ZNF469: variants seen among roughly 807,000 people sequenced by gnomAD.
The protein encoded by ZNF469 is zinc finger protein 469.
Under a neutral mutation model 1.0 loss-of-function variants are expected in ZNF469, and 1 was observed. That is an observed-to-expected ratio of 1.00 (90% CI 0.35 to 4.73). ZNF469 has a LOEUF of 4.73. Among genes scored for constraint, ZNF469 ranks in the 30% most tolerant of loss-of-function variants. ZNF469 has a pLI of 0.16. For synonymous variants in ZNF469, 2,703 were observed against 2,363.4 expected, an observed-to-expected ratio of 1.14 and a Z score of -4.17; for missense variants, 6,100 against 5,356.3, an observed-to-expected ratio of 1.14 and a Z score of -4.33.
intron 1 of ZNF469, among the ~76,000 whole-genome samples, chr16:88,385,363 G>A (rs911632362): frequency 9.2e-5 from 14 of 151,986 alleles, no homozygotes; most frequent in African/African-American, 3.1e-4. Flanking sequence ...GTTACCAGCC[G>A]GGGATGGTGG....
At chr16:88,381,187 C>CACAG (rs1425010602), upstream of ZNF469, among the ~76,000 whole-genome samples, 92 of 130,000 alleles carry the variant, frequency 7.1e-4, 2 homozygotes, top group South Asian at 0.011. Flanking sequence ...GACATGCACT[C>CACAG]ACACACATGC....
At chr16:88,173,181 C>A in the ZNF469 span, among the ~76,000 whole-genome samples, 399 of 152,178 alleles carry the variant, frequency 2.6e-3, 2 homozygotes, top group African/African-American at 9.2e-3. Flanking sequence ...AAACAAATTT[C>A]TGAAAGCCAG....
the ZNF469 span, among the ~76,000 whole-genome samples, chr16:88,264,903 G>C: frequency 6.6e-6 from 1 of 152,128 alleles, no homozygotes; most frequent in African/African-American, 2.4e-5. Flanking sequence ...GAGGGTGACC[G>C]TGGCCTCTCC....
the ZNF469 span, among the ~76,000 whole-genome samples, chr16:88,353,947 CT>C: frequency 6.6e-6 from 1 of 152,232 alleles, no homozygotes; most frequent in African/African-American, 2.4e-5. Flanking sequence ...GTCTCAGCCC[CT>C]CCTCACATCC....
the ZNF469 span, among the ~76,000 whole-genome samples, chr16:88,366,294 C>T: frequency 6.6e-6 from 1 of 151,876 alleles, no homozygotes; most frequent in African/African-American, 2.4e-5. Context: ...CCACCACCAC[C>T]ATCATCACCA....
the ZNF469 span, among the ~76,000 whole-genome samples, chr16:88,122,129 A>G: frequency 4.0e-3 from 553 of 137,798 alleles, 5 homozygotes; most frequent in African/African-American, 0.014. Flanking sequence ...CTGTGGCCAC[A>G]GTGGCCACTC....
intron 1 of ZNF469, among the ~76,000 whole-genome samples, chr16:88,417,413 C>A (rs187078292): frequency 4.9e-4 from 74 of 152,288 alleles, no homozygotes; most frequent in Non-Finnish European, 7.4e-5. Flanking sequence ...CTGTGGGCAC[C>A]GTTGCCCATT....
the ZNF469 span, among the ~76,000 whole-genome samples, chr16:88,224,896 T>C: frequency 3.9e-5 from 6 of 152,338 alleles, no homozygotes; most frequent in East Asian, 1.2e-3. Context: ...CAGGATCTGC[T>C]GTGCTCTGGG....
In ZNF469 at chr16:88,434,370, C is replaced by A. The variant is rs1237865076; in HGVS notation, c.6900C>A (p.Gly2300=). The change falls in exon 3 of 3, where the codon GGC becomes GGA. Residue 2300 remains glycine (G), a synonymous_variant. Transcript: ENST00000565624. ...CCACCGGAGATGAGGCACAGGCAGG[C>A]AGGGGACTCCCAGGGCCAGACCCCC... is the stretch of plus-strand genomic sequence containing the variant. ...STPTGDEAQA[G]RGLPGPDPQS... 3 of 1,550,022 alleles carry A rather than the reference C, an allele frequency of 1.9e-6. No individual in the cohort carries two copies. Among genetic ancestry groups the A allele is most frequent in the Non-Finnish European group, 2.6e-6 (3 of 1,146,940 alleles).
chr16:88,324,141 C>T, the ZNF469 span, among the ~76,000 whole-genome samples: 13 of 152,336 alleles, frequency 8.5e-5, no homozygotes, highest in South Asian at 4.1e-4. Flanking sequence ...CGCCTCCCCA[C>T]GGGGCCTGTT....
At chr16:88,326,399 C>T in the ZNF469 span, among the ~76,000 whole-genome samples, 2 of 152,186 alleles carry the variant, frequency 1.3e-5, no homozygotes, top group African/African-American at 4.8e-5. Flanking sequence ...TCCATTAAAC[C>T]TCTTTCTTTT....
At chr16:88,222,493 C>T in the ZNF469 span, among the ~76,000 whole-genome samples, 11 of 152,312 alleles carry the variant, frequency 7.2e-5, no homozygotes, top group East Asian at 2.1e-3. Flanking sequence ...TGCGGTGGCT[C>T]ACGCCTGTAA....
the ZNF469 span, among the ~76,000 whole-genome samples, chr16:88,269,264 T>C: frequency 7.9e-5 from 12 of 152,000 alleles, no homozygotes; most frequent in African/African-American, 2.7e-4. Context: ...CCCTGCAAAA[T>C]AGGGATAAAA....
chr16:88,112,457 T>G, the ZNF469 span, among the ~76,000 whole-genome samples: 1 of 152,084 alleles, frequency 6.6e-6, no homozygotes, highest in South Asian at 2.1e-4. Flanking sequence ...GATTGTCTGT[T>G]TTTTGGATAA....
At chr16:88,371,547 G>C in the ZNF469 span, among the ~76,000 whole-genome samples, 1 of 152,184 alleles carries the variant, frequency 6.6e-6, no homozygotes. Flanking sequence ...GTCATGCTTT[G>C]TAGAGGCAGA....
the ZNF469 span, among the ~76,000 whole-genome samples, chr16:88,112,505 A>C: frequency 6.6e-6 from 1 of 152,142 alleles, no homozygotes; most frequent in Non-Finnish European, 1.5e-5. Context: ...GTCTCATGGT[A>C]GCTTTGAGTT....
intron 1 of ZNF469, among the ~76,000 whole-genome samples, chr16:88,417,616 C>T (rs954373985): frequency 1.3e-5 from 2 of 152,230 alleles, no homozygotes; most frequent in Admixed American, 6.5e-5. Context: ...TCTTCCTACA[C>T]CCTTTGGGCA....
Position 88,431,838 on chromosome 16 carries a change from C to T in ZNF469, c.4368C>T (p.Phe1456=), listed in dbSNP as rs1185710206. The part of the protein sequence containing the change: ...SPPTLESSSL[F]PDLPVDRFDP... The stretch of plus-strand genomic sequence containing the variant: ...CGACCTTGGAGTCCTCATCCCTCTT[C>T]CCAGACCTGCCGGTGGACAGATTCG... The change falls in exon 3 of 3, where the codon TTC becomes TTT. Residue 1456 remains phenylalanine, a synonymous_variant. Transcript: ENST00000565624. 9.0e-6 allele frequency: 14 copies of T among 1,549,876 alleles called. No individual in the cohort carries two copies. Among genetic ancestry groups the T allele is most frequent in the Non-Finnish European group, 1.0e-5 (12 of 1,146,918 alleles).
the ZNF469 span, among the ~76,000 whole-genome samples, chr16:88,328,859 G>T: frequency 6.6e-6 from 1 of 152,132 alleles, no homozygotes; most frequent in African/African-American, 2.4e-5. Flanking sequence ...GCAGGCGGGT[G>T]GGGGAGACGC....
Sources: allele counts gnomAD v4.1 joint callset (sites outside exome capture counted in the v4.1 genomes callset), GRCh38; gene constraint gnomAD v4.1.1; transcripts MANE v1.5; gene names NCBI Gene and HGNC (gene_info 2026-07-23, HGNC 2026-07-21).